SIDT1: variants seen among roughly 807,000 people sequenced by gnomAD.
SIDT1 encodes the protein SID1 transmembrane family, member 1.
Under a neutral mutation model 107.5 loss-of-function variants are expected in SIDT1, and 101 were observed. The ratio of observed to expected loss-of-function variants is 0.94; its 90% CI spans 0.80 to 1.11. The LOEUF (loss-of-function observed/expected upper bound fraction) is 1.11. Ranked by LOEUF, SIDT1 falls within the 50% of genes least tolerant of loss-of-function variation. SIDT1 has a pLI of 0.00. For synonymous variants in SIDT1, 395 were observed against 398.2 expected (o/e 0.99, Z 0.10); for missense variants, 1,076 against 1,058.2 (o/e 1.02, Z -0.23).
At chr3:113,594,165 T>C (rs955376585) in intron 10 of SIDT1, among the ~76,000 whole-genome samples, 6 of 152,186 alleles carry the variant, frequency 3.9e-5, no homozygotes, top group African/African-American at 1.4e-4. Context: ...GGATCATTGC[T>C]CCCTTTGCTG....
intron 1 of SIDT1, among the ~76,000 whole-genome samples, chr3:113,550,225 T>G (rs1469594030): frequency 1.3e-5 from 2 of 152,242 alleles, no homozygotes; most frequent in Non-Finnish European, 2.9e-5. Flanking sequence ...TCTTTCAAAT[T>G]TCTTATGAAC....
intron 10 of SIDT1, among the ~76,000 whole-genome samples, chr3:113,594,148 T>C (rs954345749): frequency 2.6e-5 from 4 of 152,144 alleles, no homozygotes; most frequent in African/African-American, 9.7e-5. Context: ...CCTACCCCCC[T>C]CCAGCAGGAT....
At chr3:113,608,254 G>A (rs758151249) in intron 16 of SIDT1, 37 bp downstream of exon 16, 4 of 1,559,926 alleles carry the variant, frequency 2.6e-6, no homozygotes, top group Non-Finnish European at 2.6e-6. Flanking sequence ...GAAGGGTTAT[G>A]GATCCAAACA....
chr3:113,597,998 A>G (rs1035421949), intron 10 of SIDT1, among the ~76,000 whole-genome samples: 1 of 152,236 alleles, frequency 6.6e-6, no homozygotes, highest in Non-Finnish European at 1.5e-5. Flanking sequence ...CATAAGCAAA[A>G]TGAAAAGAAT....
Position 113,627,733 on chromosome 3 carries a change from G to A in SIDT1, c.*25G>A. The A allele has an allele frequency of 6.2e-7, 1 of 1,610,234 alleles. No homozygotes were observed. On this transcript the variant is annotated 3_prime_UTR_variant, in exon 25 of 25. Coordinates refer to ENST00000264852, the MANE Select transcript of SIDT1 (RefSeq NM_017699.3). ...AACCTCCAACATTAAGAGAGGGGAGGGAGCGATCAATCTTGGTGCTGTTTC... is the reference window on the plus strand; with the variant it reads ...AACCTCCAACATTAAGAGAGGGGAGAGAGCGATCAATCTTGGTGCTGTTTC...
At position 113,567,538 on chromosome 3, in the gene SIDT1, A is replaced by C. The variant is rs1576791041; in HGVS notation, c.345-2A>C. 1 of 1,609,972 alleles carries C rather than the reference A, an allele frequency of 6.2e-7. No individual in the cohort carries two copies. The highest frequency in any genetic ancestry group is 8.5e-7 in the Non-Finnish European group (1 of 1,178,014). Reference sequence around the variant, plus strand: ...TTTTTTCCCCTATATTGGCTGCTTCAGATACCAGAGGAGCTACAACTATCA... The same window carrying C: ...TTTTTTCCCCTATATTGGCTGCTTCCGATACCAGAGGAGCTACAACTATCA... On this transcript the variant is annotated splice_acceptor_variant, in intron 2 of 24. Coordinates refer to ENST00000264852, the MANE Select transcript of SIDT1 (RefSeq NM_017699.3). LOFTEE classifies it high-confidence loss of function.
chr3:113,552,394 G>T (rs1011802028), intron 1 of SIDT1, among the ~76,000 whole-genome samples: 1 of 152,140 alleles, frequency 6.6e-6, no homozygotes, highest in Non-Finnish European at 1.5e-5. Context: ...CTCTAAAATG[G>T]CTGTGAGGTG....
At chr3:113,574,128 A>G (rs1430734266) in intron 3 of SIDT1, among the ~76,000 whole-genome samples, 1 of 152,228 alleles carries the variant, frequency 6.6e-6, no homozygotes, top group African/African-American at 2.4e-5. Context: ...AGACTAGAAT[A>G]TATTTATAAA....
intron 13 of SIDT1, among the ~76,000 whole-genome samples, 191 bp from the exon 14 acceptor site, chr3:113,604,719 G>A (rs1325781334): frequency 6.6e-6 from 1 of 152,128 alleles, no homozygotes; most frequent in Non-Finnish European, 1.5e-5. Context: ...ACAAGATACT[G>A]TGTACCAAAT....
chr3:113,544,427 T>TG (rs1390865368), intron 1 of SIDT1, among the ~76,000 whole-genome samples: 5 of 152,092 alleles, frequency 3.3e-5, no homozygotes, highest in Admixed American at 3.3e-4. Flanking sequence ...CCTGACCTTG[T>TG]GATCCACCCA....
At chr3:113,536,534 AG>A (rs1938190697) in intron 1 of SIDT1, among the ~76,000 whole-genome samples, 1 of 152,156 alleles carries the variant, frequency 6.6e-6, no homozygotes, top group Non-Finnish European at 1.5e-5. Flanking sequence ...GCCTTGGAGG[AG>A]AAAGTCTATT....
intron 1 of SIDT1, among the ~76,000 whole-genome samples, chr3:113,542,070 C>T (rs186353473): frequency 1.3e-4 from 19 of 151,696 alleles, no homozygotes; most frequent in East Asian, 3.9e-4. Flanking sequence ...ATTACAGGTG[C>T]GTGCCACCAC....
intron 12 of SIDT1, 54 bp from the exon 13 acceptor site, chr3:113,603,906 C>A: frequency 1.7e-6 from 2 of 1,175,854 alleles, no homozygotes; most frequent in Middle Eastern, 1.9e-4. Flanking sequence ...CTTTGTATCT[C>A]ATGCATAAAG....
rs1419271999 is a variant in SIDT1, at chr3:113,533,189, GA to G, written c.170del (p.Asn57ThrfsTer19). The part of the protein sequence containing the change: ...DFDHVYSGVV[N>X]LSTENIYSFN... ...TCGATCATGTCTACAGCGGGGTGGTGAACCTCAGCACCGAGAACATCTACTC... is the reference window on the plus strand; with the variant it reads ...TCGATCATGTCTACAGCGGGGTGGTGACCTCAGCACCGAGAACATCTACTC... On this transcript the variant is annotated frameshift_variant, in exon 1 of 25. Transcript: ENST00000264852. LOFTEE classifies it high-confidence loss of function. The G allele has an allele frequency of 6.4e-7, 1 of 1,571,578 alleles. No individual in the cohort carries two copies. The highest frequency in any genetic ancestry group is 8.6e-7 in the Non-Finnish European group (1 of 1,160,032).
intron 9 of SIDT1, among the ~76,000 whole-genome samples, chr3:113,587,788 C>G (rs554265459): frequency 6.6e-6 from 1 of 152,298 alleles, no homozygotes; most frequent in South Asian, 2.1e-4. Flanking sequence ...GATTTGAACT[C>G]AGGCAGTCTG....
At chr3:113,602,945 C>T in intron 11 of SIDT1, 60 bp from the exon 12 acceptor site, 2 of 1,575,354 alleles carry the variant, frequency 1.3e-6, no homozygotes, top group South Asian at 2.3e-5. Flanking sequence ...TTTGCAGAGA[C>T]GAATGGGCTC....
At chr3:113,611,306 T>C (rs1226950882) in intron 18 of SIDT1, among the ~76,000 whole-genome samples, 162 bp downstream of exon 18, 1 of 152,204 alleles carries the variant, frequency 6.6e-6, no homozygotes, top group Admixed American at 6.5e-5. Context: ...ACTTTCATCA[T>C]TGGCCCACTC....
chr3:113,539,728 TG>T (rs1194266217), intron 1 of SIDT1, among the ~76,000 whole-genome samples: 3 of 152,094 alleles, frequency 2.0e-5, no homozygotes, highest in Non-Finnish European at 4.4e-5. Flanking sequence ...CCTTTGAGGT[TG>T]GGTAATTTAT....
chr3:113,572,818 G>A (rs762321062), intron 3 of SIDT1, among the ~76,000 whole-genome samples: 1 of 152,150 alleles, frequency 6.6e-6, no homozygotes, highest in Non-Finnish European at 1.5e-5. Flanking sequence ...TAGGGATCTT[G>A]AGTCTGTTTT....
Sources: gnomAD v4.1 joint callset for allele counts (sites outside exome capture counted in the v4.1 genomes callset) on GRCh38, gnomAD v4.1.1 for gene constraint, MANE v1.5 for transcripts, NCBI Gene and HGNC (gene_info 2026-07-23, HGNC 2026-07-21) for gene names.